PDE8B: variants seen among roughly 807,000 people sequenced by gnomAD.
The protein encoded by PDE8B is high affinity cAMP-specific and IBMX-insensitive 3',5'-cyclic phosphodiesterase 8B.
PDE8B carries 26 observed loss-of-function variants against 101.3 expected under a neutral mutation model. The ratio of observed to expected loss-of-function variants is 0.26; its 90% CI spans 0.19 to 0.36. PDE8B has a LOEUF of 0.36. PDE8B is among the 10% of genes least tolerant of loss of function. The pLI, the probability that PDE8B is intolerant of heterozygous loss-of-function variation, is 1.00. For synonymous variants in PDE8B, 424 were observed against 429.3 expected (o/e 0.99, Z 0.15); for missense variants, 810 against 1,163.1 (o/e 0.70, Z 4.42).
the PDE8B span, among the ~76,000 whole-genome samples, chr5:77,161,630 A>G: frequency 1.3e-5 from 2 of 152,138 alleles, no homozygotes; most frequent in Non-Finnish European, 2.9e-5. Context: ...CAGAATTGTT[A>G]GGTCATACAT....
intron 7 of PDE8B, among the ~76,000 whole-genome samples, chr5:77,346,459 C>A (rs6858922): frequency 6.6e-6 from 1 of 152,158 alleles, no homozygotes; most frequent in Non-Finnish European, 1.5e-5. Context: ...GCCCACTAGC[C>A]GCCCCTCCAC....
intron 1 of PDE8B, among the ~76,000 whole-genome samples, chr5:77,252,105 G>C (rs956442525): frequency 6.6e-6 from 1 of 152,200 alleles, no homozygotes; most frequent in Admixed American, 6.5e-5. Context: ...GTTGTCTGGT[G>C]ACTGACTTAT....
chr5:77,229,688 T>TA (rs2149479159), intron 1 of PDE8B, among the ~76,000 whole-genome samples: 1 of 152,362 alleles, frequency 6.6e-6, no homozygotes, highest in Admixed American at 6.5e-5. Flanking sequence ...GATGGACTCA[T>TA]ACAATATGTA....
chr5:77,308,230 A>G (rs1771700267), intron 1 of PDE8B, among the ~76,000 whole-genome samples: 1 of 152,202 alleles, frequency 6.6e-6, no homozygotes, highest in African/African-American at 2.4e-5. Flanking sequence ...TGGACACAGA[A>G]GCCAAGGCCA....
intron 2 of PDE8B, among the ~76,000 whole-genome samples, chr5:77,316,501 G>C (rs575046862): frequency 1.6e-3 from 245 of 152,182 alleles, no homozygotes; most frequent in African/African-American, 5.6e-3. Flanking sequence ...CAAAGTGCTG[G>C]GATTACAGGG....
chr5:77,234,990 C>G (rs1177954079), intron 1 of PDE8B, among the ~76,000 whole-genome samples: 1 of 152,182 alleles, frequency 6.6e-6, no homozygotes, highest in Non-Finnish European at 1.5e-5. Flanking sequence ...GGAAAGACCA[C>G]TCTTCCAGTG....
At chr5:77,240,015 G>A (rs1755430387) in intron 1 of PDE8B, among the ~76,000 whole-genome samples, 1 of 151,834 alleles carries the variant, frequency 6.6e-6, no homozygotes, top group African/African-American at 2.4e-5. Flanking sequence ...TCCTTCATCA[G>A]TACTTTTTCT....
intron 10 of PDE8B, among the ~76,000 whole-genome samples, chr5:77,366,020 TA>T (rs998521713): frequency 7.2e-5 from 11 of 152,334 alleles, no homozygotes; most frequent in African/African-American, 2.6e-4. Flanking sequence ...TTCCACAGTC[TA>T]CACCCCAAGC....
At chr5:77,318,055 C>CAAAAAAAAAAAAAA (rs55952764) in intron 2 of PDE8B, among the ~76,000 whole-genome samples, 1 of 57,186 alleles carries the variant, frequency 1.7e-5, no homozygotes, top group African/African-American at 7.1e-5. Flanking sequence ...GACTCCATCT[C>CAAAAAAAAAAAAAA]AAAAAAAAAA....
At chr5:77,090,773 G>A in the PDE8B span, among the ~76,000 whole-genome samples, 19 of 151,990 alleles carry the variant, frequency 1.3e-4, no homozygotes, top group Admixed American at 1.0e-3. Context: ...GTGTGTGTAT[G>A]TGTGAATACA....
intron 10 of PDE8B, among the ~76,000 whole-genome samples, chr5:77,390,685 A>G (rs979488430): frequency 2.0e-5 from 3 of 152,202 alleles, no homozygotes; most frequent in African/African-American, 7.2e-5. Context: ...TTTCAAGGAA[A>G]ACTGTGTTTC....
chr5:77,221,446 A>G (rs1399816381), intron 1 of PDE8B, among the ~76,000 whole-genome samples: 1 of 152,164 alleles, frequency 6.6e-6, no homozygotes, highest in Non-Finnish European at 1.5e-5. Flanking sequence ...GTTTGATTGG[A>G]TTATACTAAG....
chr5:77,233,638 C>T (rs1580463539), intron 1 of PDE8B, among the ~76,000 whole-genome samples: 1 of 149,552 alleles, frequency 6.7e-6, no homozygotes, highest in African/African-American at 2.5e-5. Context: ...CTGACAGCCC[C>T]CAACCCCCTG....
rs16874258 is a variant in PDE8B, at chr5:77,426,414, G to A, written c.2549-31G>A. ...AATGCTCCTGGGGTCTAAGTTCACCGGTTTCTTTTGATTCTTTTCTGTCTT... is the reference window on the plus strand; with the variant it reads ...AATGCTCCTGGGGTCTAAGTTCACCAGTTTCTTTTGATTCTTTTCTGTCTT... On this transcript the variant is annotated intron_variant, in intron 21 of 21. Coordinates refer to ENST00000264917, the MANE Select transcript of PDE8B (RefSeq NM_003719.5). The A allele has an allele frequency of 0.012, 18,039 of 1,445,258 alleles. 1,531 individuals are homozygous for A. The African/African-American group carries it at 0.21, about 17-fold the overall frequency. The allele number at this position is 1,445,258 out of a possible 1,614,324, so 89.5% of individuals were successfully genotyped here.
the PDE8B span, among the ~76,000 whole-genome samples, chr5:77,163,219 A>AAGATG: frequency 6.6e-6 from 1 of 152,210 alleles, no homozygotes; most frequent in Non-Finnish European, 1.5e-5. Flanking sequence ...ACAGCAATAC[A>AAGATG]AGATGAGAGG....
chr5:77,230,092 C>T (rs980345657), intron 1 of PDE8B, among the ~76,000 whole-genome samples: 2 of 152,206 alleles, frequency 1.3e-5, no homozygotes, highest in Admixed American at 1.3e-4. Context: ...TTTTCACCAA[C>T]ACTTGTTATT....
chr5:77,233,827 A>G (rs1754143167), intron 1 of PDE8B, among the ~76,000 whole-genome samples: 1 of 151,490 alleles, frequency 6.6e-6, no homozygotes, highest in Admixed American at 6.6e-5. Flanking sequence ...TAAGGGGAAA[A>G]AGTTTGACTC....
At chr5:77,328,767 GACCTATTGGAT>G (rs1776547156) in intron 3 of PDE8B, among the ~76,000 whole-genome samples, 1 of 152,154 alleles carries the variant, frequency 6.6e-6, no homozygotes. Flanking sequence ...TGGCAGGTCT[GACCTATTGGAT>G]AATTGCCTGG....
chr5:77,371,279 A>T (rs940946411), intron 10 of PDE8B, among the ~76,000 whole-genome samples: 1 of 152,164 alleles, frequency 6.6e-6, no homozygotes, highest in African/African-American at 2.4e-5. Flanking sequence ...ATCTAGAGTT[A>T]GTTTTTGTGT....
Sources: allele counts gnomAD v4.1 joint callset (sites outside exome capture counted in the v4.1 genomes callset), GRCh38; gene constraint gnomAD v4.1.1; transcripts MANE v1.5; gene names NCBI Gene and HGNC (gene_info 2026-07-23, HGNC 2026-07-21).